The following TXNDC15 variants were observed in gnomAD, a reference collection of about 807,000 sequenced individuals.
TXNDC15 encodes the protein thioredoxin domain-containing protein 15.
In TXNDC15, 24 loss-of-function variants were observed where a neutral mutation model predicts 35.0. The observed-to-expected ratio is 0.68, with a 90% CI of 0.50 to 0.96. The LOEUF is 0.96. TXNDC15 is among the 40% of genes least tolerant of loss of function. TXNDC15 has a pLI of 0.00. For missense variants in TXNDC15, 385 were observed against 453.3 expected, an observed-to-expected ratio of 0.85 and a Z score of 1.37; for synonymous variants, 169 against 174.0, an observed-to-expected ratio of 0.97 and a Z score of 0.23.
chr5:134,893,436 C>G (rs950732576), intron 2 of TXNDC15, 56 bp from the exon 3 acceptor site: 1 of 1,604,814 alleles, frequency 6.2e-7, no homozygotes, highest in African/African-American at 1.3e-5. Flanking sequence ...CTTGGGTATC[C>G]TTTCAGAAAA....
chr5:134,897,610 T>TA (rs1750520275), intron 4 of TXNDC15, among the ~76,000 whole-genome samples: 1 of 152,254 alleles, frequency 6.6e-6, no homozygotes, highest in Non-Finnish European at 1.5e-5. Context: ...ACACTTTACT[T>TA]ATAACTTTTA....
intron 1 of TXNDC15, among the ~76,000 whole-genome samples, chr5:134,880,270 AC>A (rs1451993060): frequency 6.6e-6 from 1 of 151,892 alleles, no homozygotes; most frequent in Non-Finnish European, 1.5e-5. Context: ...CCATGTAGTT[AC>A]CATTTTGGTT....
intron 1 of TXNDC15, chr5:134,874,983 T>A (rs1580854821): frequency 8.0e-6 from 3 of 374,888 alleles, no homozygotes; most frequent in East Asian, 1.4e-4. Context: ...TTCCGTTTAG[T>A]GTCTCCATTT....
intron 2 of TXNDC15, among the ~76,000 whole-genome samples, chr5:134,890,242 A>C (rs951901403): frequency 6.6e-6 from 1 of 151,322 alleles, no homozygotes; most frequent in African/African-American, 2.4e-5. Context: ...ACTATGTTGC[A>C]TAGGCTGGTC....
chr5:134,886,530 TATCTGA>T (rs1750277756), intron 1 of TXNDC15, among the ~76,000 whole-genome samples: 3 of 152,362 alleles, frequency 2.0e-5, no homozygotes, highest in African/African-American at 7.2e-5. Context: ...ACTCTTCCCT[TATCTGA>T]GCATTATGCT....
chr5:134,883,126 C>A (rs1271971968), intron 1 of TXNDC15, among the ~76,000 whole-genome samples: 1 of 151,360 alleles, frequency 6.6e-6, no homozygotes, highest in Non-Finnish European at 1.5e-5. Flanking sequence ...CCATCTCTAG[C>A]AAAAATACAA....
upstream of TXNDC15, chr5:134,874,311 G>A (rs1749981770): frequency 1.3e-6 from 1 of 793,162 alleles, no homozygotes. Context: ...CAGCTGCCAG[G>A]TGTTAAGATG....
chr5:134,894,355 G>A (rs955750939), intron 3 of TXNDC15, among the ~76,000 whole-genome samples: 18 of 150,654 alleles, frequency 1.2e-4, no homozygotes, highest in Non-Finnish European at 1.9e-4. Flanking sequence ...TGCCAGGCTG[G>A]TCATTTTTTT....
chr5:134,893,553 C>T lies in TXNDC15; in HGVS notation c.653C>T (p.Pro218Leu), dbSNP rs759323918. The T allele has an allele frequency of 2.0e-5, 32 of 1,614,082 alleles. No individual in the cohort carries two copies. The highest frequency in any genetic ancestry group is 4.4e-5 in the South Asian group (4 of 91,086). The change falls in exon 3 of 5, where the codon CCG becomes CTG. Residue 218 changes from proline to leucine, a missense_variant. Transcript: ENST00000358387. ...TGTACTCTAGTCCTGTTTTACACCC[C>T]GTGGTGCCGCTTTTCTGCCAGTTTG... ...SDCTLVLFYT[P>L]WCRFSASLAP... is the part of the protein sequence containing the mutation.
chr5:134,891,014 A>G (rs781121623), intron 2 of TXNDC15, among the ~76,000 whole-genome samples: 2 of 152,304 alleles, frequency 1.3e-5, no homozygotes, highest in Non-Finnish European at 2.9e-5. Flanking sequence ...ATTCAGTCCT[A>G]TCTTCAGACT....
At chr5:134,888,900 T>C (rs916257479) in intron 2 of TXNDC15, among the ~76,000 whole-genome samples, 1 of 2,576 alleles carries the variant, frequency 3.9e-4, no homozygotes, top group African/African-American at 2.0e-3. Context: ...AAATATGTTA[T>C]ATTGATGAAA....
Position 134,899,684 on chromosome 5 carries a change from A to G in TXNDC15, c.1082A>G (p.Ter361TrpextTer1). The G allele has an allele frequency of 6.3e-7, 1 of 1,584,020 alleles. No homozygotes were observed. The highest frequency in any genetic ancestry group is 2.3e-5 in the East Asian group (1 of 44,114). Reference sequence around the variant, plus strand: ...GGACAAGAGCAGGAACATGTGGAGTAGTGATGGTCTGAAAGAAGTTGGAAA... The same window carrying G: ...GGACAAGAGCAGGAACATGTGGAGTGGTGATGGTCTGAAAGAAGTTGGAAA... ...IPGQEQEHVE[*>W] The change falls in exon 5 of 5, where the codon TAG (stop) becomes TGG (tryptophan). Residue 361 changes from the stop codon to tryptophan, a stop_lost. Coordinates refer to ENST00000358387, the MANE Select transcript of TXNDC15 (RefSeq NM_024715.4).
intron 1 of TXNDC15, among the ~76,000 whole-genome samples, chr5:134,883,026 A>G (rs921518641): frequency 2.0e-5 from 3 of 152,232 alleles, no homozygotes; most frequent in African/African-American, 7.2e-5. Context: ...ACGGTGGCTC[A>G]TGCCTGTAAT....
At chr5:134,883,798 C>T (rs1392612217) in intron 1 of TXNDC15, among the ~76,000 whole-genome samples, 1 of 150,674 alleles carries the variant, frequency 6.6e-6, no homozygotes, top group Non-Finnish European at 1.5e-5. Context: ...GCCTGTAATC[C>T]CAGCTACTCA....
At chr5:134,891,113 G>A (rs1458455458) in intron 2 of TXNDC15, among the ~76,000 whole-genome samples, 1 of 152,154 alleles carries the variant, frequency 6.6e-6, no homozygotes, top group Non-Finnish European at 1.5e-5. Flanking sequence ...AGTCATCCAC[G>A]AGGGTTGGAG....
In TXNDC15 at chr5:134,893,503, T is replaced by G. The variant is rs766089300; in HGVS notation, c.603T>G (p.Asp201Glu). The G allele has an allele frequency of 3.7e-6, 6 of 1,614,212 alleles. No homozygotes were observed. Among genetic ancestry groups the G allele is most frequent in the Non-Finnish European group, 5.1e-6 (6 of 1,180,038 alleles). The change falls in exon 3 of 5, where the codon GAT becomes GAG. Residue 201 changes from aspartate to glutamate, a missense_variant. Transcript: ENST00000358387. ...KILNMSQDLM[D>E]FLNPNGSDCT... The stretch of plus-strand genomic sequence containing the variant: ...TTCTTTTACCACAGGACCTTATGGA[T>G]TTTCTGAACCCAAACGGTAGTGACT...
rs769493795 is a variant in TXNDC15 at position 134,887,869 on chromosome 5, T to C, written c.278T>C (p.Met93Thr). 1.2e-6 allele frequency: 2 copies of C among 1,614,206 alleles called. No individual in the cohort carries two copies. The highest frequency in any genetic ancestry group is 3.3e-5 in the Admixed American group (2 of 60,028). ...GLDTQGDHMV[M>T]LSVIPGEAED... Reference sequence around the variant, plus strand: ...GACACCCAAGGCGATCACATGGTGATGCTGTCTGTGATTCCTGGGGAAGCT... The same window carrying C: ...GACACCCAAGGCGATCACATGGTGACGCTGTCTGTGATTCCTGGGGAAGCT... The change falls in exon 2 of 5, where the codon ATG (methionine) becomes ACG (threonine). Residue 93 changes from methionine (M) to threonine (T), a missense_variant. By Grantham distance (81) the Met-to-Thr change is moderately conservative. Coordinates refer to ENST00000358387, the MANE Select transcript of TXNDC15 (RefSeq NM_024715.4).
chr5:134,890,888 AAC>A (rs1407002297), intron 2 of TXNDC15, among the ~76,000 whole-genome samples: 1 of 152,244 alleles, frequency 6.6e-6, no homozygotes, highest in Admixed American at 6.5e-5. Flanking sequence ...TCGTCATTTC[AAC>A]AGTGTTCACA....
chr5:134,887,592 T>G (rs978121707), intron 1 of TXNDC15, 103 bp from the exon 2 acceptor site: 4 of 1,424,740 alleles, frequency 2.8e-6, no homozygotes, highest in Admixed American at 4.8e-5. Context: ...GAGACCTTTT[T>G]GTCTCCAGAG....
Sources: gnomAD v4.1 joint callset for allele counts (sites outside exome capture counted in the v4.1 genomes callset) on GRCh38, gnomAD v4.1.1 for gene constraint, MANE v1.5 for transcripts, NCBI Gene and HGNC (gene_info 2026-07-23, HGNC 2026-07-21) for gene names.